The following PCDHGB4 variants were observed in gnomAD, a reference collection of about 807,000 sequenced individuals.
PCDHGB4 encodes protocadherin gamma subfamily B, 4.
A neutral mutation model predicts 60.5 loss-of-function variants in PCDHGB4; 38 were observed. The observed-to-expected ratio is 0.63, with a 90% CI of 0.48 to 0.82. The LOEUF is 0.82. Among genes scored for constraint, PCDHGB4 ranks in the 40% least tolerant of loss-of-function variants. PCDHGB4 has a pLI of 0.00. For missense variants in PCDHGB4, 1,109 were observed against 1,209.6 expected (o/e 0.92, Z 1.23); for synonymous variants, 456 against 509.7 (o/e 0.89, Z 1.42).
intron 1 of PCDHGB4, chr5:141,399,563 T>G: frequency 6.2e-7 from 1 of 1,614,054 alleles, no homozygotes; most frequent in Non-Finnish European, 8.5e-7. Flanking sequence ...GACTTGGGGT[T>G]GAACGGCCAA....
chr5:141,500,498 C>T (rs1487770160), intron 2 of PCDHGB4, among the ~76,000 whole-genome samples: 5 of 152,120 alleles, frequency 3.3e-5, no homozygotes, highest in African/African-American at 7.2e-5. Context: ...CGTGAGCCAC[C>T]GCGCCTGGCC....
At chr5:141,405,027 A>G (rs1402992376) in intron 1 of PCDHGB4, 1 of 1,613,252 alleles carries the variant, frequency 6.2e-7, no homozygotes, top group Non-Finnish European at 8.5e-7. Context: ...CTTACCCTCT[A>G]CCTCGTTGTG....
intron 1 of PCDHGB4, chr5:141,405,417 TTTTTG>T (rs767701229): frequency 7.0e-6 from 11 of 1,563,080 alleles, no homozygotes; most frequent in Non-Finnish European, 8.7e-6. Flanking sequence ...CTTTTTTTGT[TTTTTG>T]TTTTGTTTTG....
At chr5:141,413,658 T>G (rs2154544690) in intron 1 of PCDHGB4, 1 of 1,613,860 alleles carries the variant, frequency 6.2e-7, no homozygotes, top group East Asian at 2.2e-5. Flanking sequence ...TCCCGGAAGC[T>G]ATTGATCCGG....
chr5:141,495,005 C>CG (rs2099758180), intron 2 of PCDHGB4, 140 bp downstream of exon 2: 6 of 1,522,802 alleles, frequency 3.9e-6, no homozygotes, highest in Admixed American at 2.0e-5. Context: ...TCTTGGTGTG[C>CG]GGGGGGCTGG....
intron 1 of PCDHGB4, chr5:141,418,974 G>C (rs754074516): frequency 1.0e-4 from 167 of 1,613,818 alleles, no homozygotes; most frequent in Non-Finnish European, 1.4e-4. Flanking sequence ...TTCAAAACAC[G>C]GGACCAAGAC....
At chr5:141,428,099 C>G (rs1304120001) in intron 1 of PCDHGB4, 4 of 1,608,710 alleles carry the variant, frequency 2.5e-6, no homozygotes, top group Non-Finnish European at 2.5e-6. Flanking sequence ...TGTCCTACCA[C>G]GTGCTGCAGG....
chr5:141,508,045 T>A (rs985875804), intron 3 of PCDHGB4: 1 of 152,264 alleles, frequency 6.6e-6, no homozygotes, highest in Non-Finnish European at 1.5e-5. Flanking sequence ...GCCAGCTGTG[T>A]TCCAGCTAAT....
Position 141,432,084 on chromosome 5 carries a change from TG to T in PCDHGB4, c.2397+41805del. 6.2e-7 allele frequency: 1 copy of T among 1,614,186 alleles called. No homozygotes were observed. Among genetic ancestry groups the T allele is most frequent in the Non-Finnish European group, 8.5e-7 (1 of 1,180,034 alleles). ...ACGGAAACTCATATCTCGCTGAACG[TG>T]GCAGACACCAACGACAACCCGCCGG... On this transcript the variant is annotated intron_variant, in intron 1 of 3. Transcript: ENST00000519479. The surrounding 1 kb of genome is among the most constrained non-coding windows in gnomAD (Gnocchi z 6.0).
chr5:141,486,504 A>G lies in PCDHGB4; in HGVS notation c.2398-8303A>G. ...AGTACCCACAGAACTATTTTCCTCA[A>G]TATTTCAGATGTGAATGATAATCCA... On this transcript the variant is annotated intron_variant, in intron 1 of 3. Transcript: ENST00000519479. The surrounding 1 kb of genome is among the most constrained non-coding windows in gnomAD (Gnocchi z 5.0). 7.4e-6 allele frequency: 12 copies of G among 1,614,100 alleles called. No individual in the cohort carries two copies. Among genetic ancestry groups the G allele is most frequent in the Non-Finnish European group, 1.0e-5 (12 of 1,179,986 alleles).
chr5:141,418,504 A>T (rs761133198), intron 1 of PCDHGB4: 32 of 1,613,904 alleles, frequency 2.0e-5, no homozygotes, highest in Non-Finnish European at 2.7e-5. Context: ...TGACCGCCTT[A>T]GATGGTGGGG....
intron 1 of PCDHGB4, among the ~76,000 whole-genome samples, chr5:141,470,854 A>G (rs553276517): frequency 6.6e-6 from 1 of 152,028 alleles, no homozygotes; most frequent in Admixed American, 6.6e-5. Context: ...TGCTCAGATA[A>G]GTTTTTTGTT....
At chr5:141,427,008 C>G (rs762510673) in intron 1 of PCDHGB4, 145 of 456,786 alleles carry the variant, frequency 3.2e-4, no homozygotes, top group African/African-American at 2.8e-3. Context: ...AGTTTTTAGC[C>G]AGGATGTATA....
intron 1 of PCDHGB4, chr5:141,419,788 A>G (rs750179874): frequency 6.2e-7 from 1 of 1,614,054 alleles, no homozygotes; most frequent in Non-Finnish European, 8.5e-7. Context: ...AGCGCCTGCT[A>G]GTCGCTGTAA....
chr5:141,409,179 G>A, intron 1 of PCDHGB4: 1 of 1,613,988 alleles, frequency 6.2e-7, no homozygotes. Context: ...GACGGAGGTG[G>A]TCTCTCTACC....
At position 141,409,627 on chromosome 5, in the gene PCDHGB4, C is replaced by A. The variant is rs761778894; in HGVS notation, c.2397+19346C>A. ...CAGGAGCCTCCATTGCGCAAGTGAG[C>A]GCCTCTGACCCGGATTTGGGGCTCA... On this transcript the variant is annotated intron_variant, in intron 1 of 3. Coordinates refer to ENST00000519479, the MANE Select transcript of PCDHGB4 (RefSeq NM_003736.4). 5.0e-5 allele frequency: 80 copies of A among 1,613,716 alleles called. No individual in the cohort carries two copies. The Admixed American group carries it at 1.2e-3, about 24-fold the overall frequency.
intron 1 of PCDHGB4, among the ~76,000 whole-genome samples, chr5:141,473,329 G>A (rs2099319416): frequency 6.6e-6 from 1 of 152,212 alleles, no homozygotes; most frequent in Non-Finnish European, 1.5e-5. Context: ...TTAAGTGCCT[G>A]CTGTGCTAGA....
intron 1 of PCDHGB4, among the ~76,000 whole-genome samples, chr5:141,434,982 A>G (rs908716553): frequency 3.3e-5 from 5 of 152,084 alleles, no homozygotes; most frequent in East Asian, 1.9e-4. Flanking sequence ...TTAATACTCT[A>G]TATCATTTTC....
In PCDHGB4 at chr5:141,493,269, C is replaced by T. The variant is rs142898207; in HGVS notation, c.2398-1538C>T. ...ACATGCCTCTCTTATAACAGCTTCA[C>T]AGAGGTCAAGTGACTTGCTCAAGTT... is the stretch of plus-strand genomic sequence containing the variant. On this transcript the variant is annotated intron_variant, in intron 1 of 3. Coordinates refer to ENST00000519479, the MANE Select transcript of PCDHGB4 (RefSeq NM_003736.4). This position sits in a 1 kb window ranked among gnomAD's most constrained non-coding sequence, Gnocchi z 4.3. Among the ~76,000 whole-genome samples the T allele has an allele frequency of 1.3e-5, 2 of 152,322 alleles. No individual in the cohort carries two copies. The highest frequency in any genetic ancestry group is 4.8e-5 in the African/African-American group (2 of 41,570).
Sources: allele counts gnomAD v4.1 joint callset (sites outside exome capture counted in the v4.1 genomes callset), GRCh38; gene constraint gnomAD v4.1.1; non-coding constraint Gnocchi (gnomAD v3.1); transcripts MANE v1.5; gene names NCBI Gene and HGNC (gene_info 2026-07-23, HGNC 2026-07-21).